The following MS4A13 variants were observed in gnomAD, a reference collection of about 807,000 sequenced individuals.
MS4A13 encodes membrane-spanning 4-domains subfamily A member 13.
Under a neutral mutation model 18.4 loss-of-function variants are expected in MS4A13, and 21 were observed. The observed-to-expected ratio is 1.14, with a 90% confidence interval of 0.81 to 1.64. The LOEUF (loss-of-function observed/expected upper bound fraction) is 1.64, where lower values mean the gene tolerates loss of function less well. Among genes scored for constraint, MS4A13 ranks in the 40% most tolerant of loss-of-function variants. The pLI is 0.00. For synonymous variants in MS4A13, 62 were observed against 57.2 expected, an observed-to-expected ratio of 1.08 and a Z score of -0.38; for missense variants, 173 against 176.8, an observed-to-expected ratio of 0.98 and a Z score of 0.12.
intron 6 of MS4A13, among the ~76,000 whole-genome samples, chr11:60,535,544 C>CA (rs2086802293): frequency 8.6e-6 from 1 of 116,512 alleles, no homozygotes; most frequent in South Asian, 3.3e-4. Flanking sequence ...AGTTTACCAA[C>CA]CAAAAAGAGT....
intron 6 of MS4A13, among the ~76,000 whole-genome samples, chr11:60,541,156 T>G (rs890233065): frequency 1.3e-5 from 2 of 152,200 alleles, no homozygotes; most frequent in African/African-American, 4.8e-5. Flanking sequence ...AAGAAATATC[T>G]CTCAAACTCC....
intron 5 of MS4A13, among the ~76,000 whole-genome samples, chr11:60,527,486 A>G (rs1565212808): frequency 6.9e-6 from 1 of 145,874 alleles, no homozygotes; most frequent in Non-Finnish European, 1.5e-5. Flanking sequence ...GCTCTGGCCA[A>G]CCTTTTGCCG....
intron 6 of MS4A13, among the ~76,000 whole-genome samples, chr11:60,540,217 G>A (rs1398540055): frequency 6.6e-6 from 1 of 152,170 alleles, no homozygotes; most frequent in African/African-American, 2.4e-5. Context: ...CTTTTAGCAT[G>A]AAAGTATTCA....
intron 3 of MS4A13, among the ~76,000 whole-genome samples, chr11:60,521,639 T>C (rs2086674396): frequency 6.6e-6 from 1 of 152,226 alleles, no homozygotes; most frequent in Admixed American, 6.5e-5. Flanking sequence ...CATATCATTA[T>C]TGGCATTTTG....
chr11:60,525,007 T>C (rs905480227), intron 4 of MS4A13, among the ~76,000 whole-genome samples, 200 bp from the exon 5 acceptor site: 1 of 152,206 alleles, frequency 6.6e-6, no homozygotes, highest in African/African-American at 2.4e-5. Flanking sequence ...TAATGATTAA[T>C]GGACTGATGG....
intron 3 of MS4A13, among the ~76,000 whole-genome samples, chr11:60,520,994 C>T (rs762510301): frequency 3.9e-5 from 6 of 152,226 alleles, no homozygotes; most frequent in Non-Finnish European, 5.9e-5. Flanking sequence ...TCTGTGTACC[C>T]GCAGGCTCAA....
intron 3 of MS4A13, among the ~76,000 whole-genome samples, 158 bp from the exon 4 acceptor site, chr11:60,523,739 A>T (rs962935643): frequency 6.6e-6 from 1 of 152,192 alleles, no homozygotes; most frequent in Non-Finnish European, 1.5e-5. Flanking sequence ...GTATTACTAC[A>T]TGATGTAAAT....
At chr11:60,536,441 T>C (rs1173560863) in intron 6 of MS4A13, among the ~76,000 whole-genome samples, 1 of 49,040 alleles carries the variant, frequency 2.0e-5, no homozygotes, top group Non-Finnish European at 4.2e-5. Flanking sequence ...TCAAAGAGAA[T>C]AAAATACCTA....
chr11:60,535,403 C>A (rs2086800540), intron 6 of MS4A13, among the ~76,000 whole-genome samples: 1 of 124,130 alleles, frequency 8.1e-6, no homozygotes, highest in African/African-American at 3.2e-5. Context: ...CACCTCTACG[C>A]AAATAAACTA....
intron 6 of MS4A13, among the ~76,000 whole-genome samples, chr11:60,533,881 G>A: frequency 1.5e-5 from 1 of 66,424 alleles, no homozygotes; most frequent in African/African-American, 6.6e-5. Context: ...CATTCTGAAA[G>A]AAAAGAATTT....
chr11:60,532,651 G>A lies in MS4A13; in HGVS notation c.402+3191G>A, dbSNP rs1397561887. 5.3e-5 allele frequency among the ~76,000 whole-genome samples: 8 copies of A among 151,518 alleles called. No homozygotes were observed. In the South Asian group the frequency reaches 6.3e-4, roughly 12 times the overall value. On this transcript the variant is annotated intron_variant, in intron 6 of 6. Transcript: ENST00000378186. ...GGTAAACAAAGCAGCCTGGAAGCTC[G>A]AACTGGGTGGAGCCCACCACAGCTC...
At chr11:60,538,048 G>A in intron 6 of MS4A13, among the ~76,000 whole-genome samples, 1 of 124,202 alleles carries the variant, frequency 8.1e-6, no homozygotes, top group African/African-American at 3.0e-5. Context: ...GAGGGGGGAG[G>A]GATGGCATTG....
intron 4 of MS4A13, among the ~76,000 whole-genome samples, chr11:60,524,530 T>G (rs1274912830): frequency 6.6e-6 from 1 of 152,214 alleles, no homozygotes; most frequent in Non-Finnish European, 1.5e-5. Context: ...ATTAAAATTT[T>G]ATCAACTGAC....
intron 6 of MS4A13, 138 bp downstream of exon 6, chr11:60,529,598 A>AT (rs1268857750): frequency 2.4e-6 from 1 of 421,318 alleles, no homozygotes; most frequent in Non-Finnish European, 4.1e-6. Flanking sequence ...TTTATTTTTT[A>AT]TTTTTGTTAT....
intron 6 of MS4A13, 61 bp from the exon 7 acceptor site, chr11:60,542,458 T>C: frequency 8.9e-7 from 1 of 1,129,852 alleles, no homozygotes; most frequent in South Asian, 1.4e-5. Flanking sequence ...AAAGATCTAT[T>C]TATTAGTTGT....
intron 6 of MS4A13, among the ~76,000 whole-genome samples, chr11:60,540,037 T>C (rs1590882959): frequency 1.3e-5 from 2 of 152,188 alleles, no homozygotes; most frequent in East Asian, 3.8e-4. Context: ...ATGTAGGTGG[T>C]TATGAAAATC....
chr11:60,518,878 C>T (rs1286228787), intron 3 of MS4A13, among the ~76,000 whole-genome samples: 4 of 152,122 alleles, frequency 2.6e-5, no homozygotes, highest in African/African-American at 9.7e-5. Context: ...AGACAGCAAA[C>T]AGGAGCTTCT....
chr11:60,542,465 T>C (rs184147711), intron 6 of MS4A13, 54 bp from the exon 7 acceptor site: 699 of 1,189,062 alleles, frequency 5.9e-4, no homozygotes, highest in Non-Finnish European at 8.0e-4. Flanking sequence ...TATTTATTAG[T>C]TGTATAATAT....
At chr11:60,523,125 G>A (rs2086688816) in intron 3 of MS4A13, among the ~76,000 whole-genome samples, 1 of 152,262 alleles carries the variant, frequency 6.6e-6, no homozygotes, top group Non-Finnish European at 1.5e-5. Context: ...CTTTTGTTGT[G>A]GAATGAAGTG....
Sources: allele counts gnomAD v4.1 joint callset (sites outside exome capture counted in the v4.1 genomes callset), GRCh38; gene constraint gnomAD v4.1.1; transcripts MANE v1.5; gene names NCBI Gene and HGNC (gene_info 2026-07-23, HGNC 2026-07-21).